TRIB2: variants seen among roughly 807,000 people sequenced by gnomAD.
TRIB2 encodes tribbles pseudokinase 2.
A neutral mutation model predicts 26.8 loss-of-function variants in TRIB2; 2 were observed. That is an observed-to-expected ratio of 0.07 (90% CI 0.03 to 0.24). The LOEUF is 0.24. TRIB2 is among the 10% of genes least tolerant of loss of function. The probability of loss-of-function intolerance (pLI) is 1.00; values close to 1 mark genes in which losing one functional copy is unlikely to be tolerated. For missense variants in TRIB2, 306 were observed against 449.0 expected, an observed-to-expected ratio of 0.68 and a Z score of 2.88; for synonymous variants, 189 against 187.3, an observed-to-expected ratio of 1.01 and a Z score of -0.08.
rs749601905 is a variant in TRIB2, at chr2:12,723,269, A to G, written c.280A>G (p.Ile94Val). The stretch of plus-strand genomic sequence containing the variant: ...GTTAATCCTGTCGTAGGTGTTTGAT[A>G]TCAGCTGCTACCAGGAATCCCTGGC... Reference protein sequence around the residue: ...GEELVCKVFDISCYQESLAPC... With the variant: ...GEELVCKVFDVSCYQESLAPC... Residue 94 changes from isoleucine to valine, a missense_variant, in exon 2 of 3, where the codon ATC becomes GTC. Ile to Val is a conservative substitution (Grantham distance 29). Transcript: ENST00000155926. 1 of 1,613,016 alleles carries G rather than the reference A, an allele frequency of 6.2e-7. No homozygotes were observed. The highest frequency in any genetic ancestry group is 1.7e-5 in the Admixed American group (1 of 60,026).
rs1666646973 is a variant in TRIB2 at position 12,718,333 on chromosome 2, T to G, written c.26T>G (p.Ile9Ser). 5.0e-6 allele frequency: 8 copies of G among 1,614,100 alleles called. No individual in the cohort carries two copies. Among genetic ancestry groups the G allele is most frequent in the Non-Finnish European group, 5.9e-6 (7 of 1,179,994 alleles). ...ATGAACATACACAGGTCTACCCCCA[T>G]CACAATAGCGAGATATGGGAGATCG... MNIHRSTP[I>S]TIARYGRSRN... Residue 9 changes from isoleucine to serine, a missense_variant, in exon 1 of 3, where the codon ATC becomes AGC. Ile to Ser is a moderately radical substitution (Grantham distance 142, BLOSUM62 -2). This residue lies in a region of TRIB2 where 99 missense variants were observed against 106.5 expected (regional missense o/e 0.93). Transcript: ENST00000155926. This position sits in a 1 kb window ranked among gnomAD's most constrained non-coding sequence, Gnocchi z 4.0.
chr2:12,736,689 A>G (rs1009816499), intron 2 of TRIB2, among the ~76,000 whole-genome samples: 4 of 152,182 alleles, frequency 2.6e-5, no homozygotes, highest in African/African-American at 7.2e-5. Context: ...GTACTCGTCT[A>G]GGTACTCAAG....
At chr2:12,734,263 C>CCCT (rs1661522660) in intron 2 of TRIB2, among the ~76,000 whole-genome samples, 1 of 152,154 alleles carries the variant, frequency 6.6e-6, no homozygotes. Flanking sequence ...ATTGCCACCA[C>CCCT]CCTCCACCCC....
intron 2 of TRIB2, among the ~76,000 whole-genome samples, chr2:12,726,175 G>A (rs952028105): frequency 1.3e-5 from 2 of 151,610 alleles, no homozygotes; most frequent in African/African-American, 4.9e-5. Context: ...AATGTTCTCA[G>A]CAGTAGCTGA....
chr2:12,725,808 G>C (rs570759143), intron 2 of TRIB2, among the ~76,000 whole-genome samples: 1 of 152,372 alleles, frequency 6.6e-6, no homozygotes, highest in East Asian at 1.9e-4. Context: ...ACTGTAGGGA[G>C]CTGGCCTATA....
At position 12,736,211 on chromosome 2, in the gene TRIB2, T is replaced by C. The variant is rs141012793; in HGVS notation, c.564-4115T>C. Among the ~76,000 whole-genome samples the C allele has an allele frequency of 5.9e-3, 890 of 152,132 alleles. 6 individuals carry two copies. Among genetic ancestry groups the C allele is most frequent in the African/African-American group, 0.02 (835 of 41,500 alleles). On this transcript the variant is annotated intron_variant, in intron 2 of 2. Transcript: ENST00000155926. ...GATTTGGTCAGAGATGCGACAAAAG[T>C]GAGCTGACACAGTCGGGGAAGCACA...
intron 2 of TRIB2, chr2:12,724,956 G>T: frequency 7.5e-7 from 1 of 1,333,830 alleles, no homozygotes; most frequent in South Asian, 1.6e-5. Flanking sequence ...GGTCATATTT[G>T]TTTACCTCTT....
Position 12,717,906 on chromosome 2 carries a change from T to C in TRIB2, c.-402T>C, listed in dbSNP as rs966877954. 6 of 241,920 alleles carry C rather than the reference T, an allele frequency of 2.5e-5. No individual in the cohort carries two copies. Among genetic ancestry groups the C allele is most frequent in the Non-Finnish European group, 4.0e-5 (5 of 125,758 alleles). 15.0% of individuals were successfully genotyped at this position (241,920 alleles called of 1,614,324 possible). On this transcript the variant is annotated 5_prime_UTR_variant, in exon 1 of 3. Coordinates refer to ENST00000155926, the MANE Select transcript of TRIB2 (RefSeq NM_021643.4). This position sits in a 1 kb window ranked among gnomAD's most constrained non-coding sequence, Gnocchi z 4.8. ...AACTACCGCGGGCTCCTCCGCCCCG[T>C]CTGCGATTCGGAAGCCGGCCTGGGG... is the stretch of plus-strand genomic sequence containing the variant.
In TRIB2 at chr2:12,740,955, C is replaced by T. The variant is rs756670798; in HGVS notation, c.*161C>T. The T allele has an allele frequency of 3.8e-5, 26 of 682,194 alleles. No homozygotes were observed. Among genetic ancestry groups the T allele is most frequent in the East Asian group, 1.9e-4 (7 of 36,432 alleles). 42.3% of individuals were successfully genotyped at this position (682,194 alleles called of 1,614,324 possible). A position where few individuals can be genotyped will look rare whatever the true frequency, so the allele number is the denominator to read the frequency against. ...AAACCTTCAAGGAGCTGACTGACCA[C>T]GTAGCATGGGGGCAAGAGGCGTGGG... is the stretch of plus-strand genomic sequence containing the variant. On this transcript the variant is annotated 3_prime_UTR_variant, in exon 3 of 3. Transcript: ENST00000155926. This position sits in a 1 kb window ranked among gnomAD's most constrained non-coding sequence, Gnocchi z 5.8.
chr2:12,721,962 G>A (rs1030641186), intron 1 of TRIB2, among the ~76,000 whole-genome samples: 1 of 152,076 alleles, frequency 6.6e-6, no homozygotes, highest in Non-Finnish European at 1.5e-5. Context: ...CAGCTAAGAG[G>A]GAACAGAGCT....
rs1666628951 is a variant in TRIB2, at chr2:12,717,810, C to T, written c.-498C>T. 3 of 283,420 alleles carry T rather than the reference C, an allele frequency of 1.1e-5. No homozygotes were observed. The highest frequency in any genetic ancestry group is 1.0e-4 in the Admixed American group (2 of 19,388). The allele number at this position is 283,420 out of a possible 1,614,324, so 17.6% of individuals were successfully genotyped here. The stretch of plus-strand genomic sequence containing the variant: ...CAGCCGGTAGACCCGTGCTTGTTTC[C>T]TTTCTCTTTTTGTTTGGCTTCTAAC... On this transcript the variant is annotated 5_prime_UTR_variant, in exon 1 of 3. Coordinates refer to ENST00000155926, the MANE Select transcript of TRIB2 (RefSeq NM_021643.4). The surrounding 1 kb of genome is among the most constrained non-coding windows in gnomAD (Gnocchi z 4.8).
intron 2 of TRIB2, among the ~76,000 whole-genome samples, chr2:12,728,974 T>C (rs1435197244): frequency 6.6e-6 from 1 of 152,206 alleles, no homozygotes; most frequent in Admixed American, 6.5e-5. Flanking sequence ...TCAGCTTTTC[T>C]TTCATTAAAA....
intron 1 of TRIB2, among the ~76,000 whole-genome samples, chr2:12,722,896 A>G (rs146457912): frequency 6.5e-4 from 99 of 152,236 alleles, no homozygotes; most frequent in African/African-American, 2.3e-3. Context: ...TTTCTCTCCA[A>G]TTTTGCCTTA....
chr2:12,739,076 C>G (rs1422015966), intron 2 of TRIB2, among the ~76,000 whole-genome samples: 1 of 152,000 alleles, frequency 6.6e-6, no homozygotes, highest in African/African-American at 2.4e-5. Context: ...ATCTTGGGCT[C>G]ATGGTTCTGT....
At chr2:12,734,635 G>A (rs1037758622) in intron 2 of TRIB2, among the ~76,000 whole-genome samples, 3 of 152,118 alleles carry the variant, frequency 2.0e-5, no homozygotes, top group South Asian at 2.1e-4. Context: ...GGTAGATACC[G>A]TACTTGCATT....
At chr2:12,729,935 T>G (rs1377578623) in intron 2 of TRIB2, among the ~76,000 whole-genome samples, 4 of 152,236 alleles carry the variant, frequency 2.6e-5, no homozygotes, top group African/African-American at 9.6e-5. Flanking sequence ...GCACTGCAGC[T>G]ACTTGAATAC....
intron 2 of TRIB2, among the ~76,000 whole-genome samples, chr2:12,729,788 TCAAG>T (rs1376942548): frequency 9.9e-5 from 15 of 152,170 alleles, no homozygotes; most frequent in South Asian, 2.1e-4. Flanking sequence ...GTGTGGGTCC[TCAAG>T]CAAACCAAGC....
At chr2:12,720,787 C>A (rs921359158) in intron 1 of TRIB2, among the ~76,000 whole-genome samples, 9 of 152,182 alleles carry the variant, frequency 5.9e-5, no homozygotes, top group South Asian at 2.1e-4. Context: ...ACAAAATAAT[C>A]AAGGCTGCTT....
At position 12,718,513 on chromosome 2, in the gene TRIB2, C is replaced by A. The variant is rs755829009; in HGVS notation, c.206C>A (p.Pro69His). The A allele has an allele frequency of 9.3e-6, 15 of 1,614,082 alleles. No homozygotes were observed. The highest frequency in any genetic ancestry group is 1.3e-5 in the African/African-American group (1 of 74,916). The change falls in exon 1 of 3, where the codon CCT (proline) becomes CAT (histidine). Residue 69 changes from proline to histidine, a missense_variant. Pro to His is a moderately conservative substitution (Grantham distance 77). Transcript: ENST00000155926. This position sits in a 1 kb window ranked among gnomAD's most constrained non-coding sequence, Gnocchi z 4.0. ...SCIGKYLLLEPLEGDHVFRAV... is the reference protein window; with the variant it reads ...SCIGKYLLLEHLEGDHVFRAV... ...ATCGGGAAATACTTATTGTTGGAAC[C>A]TCTGGAGGGAGACCACGTTTTTCGT...
Sources: allele counts gnomAD v4.1 joint callset (sites outside exome capture counted in the v4.1 genomes callset), GRCh38; gene constraint gnomAD v4.1.1; regional missense constraint gnomAD v4.1.1; non-coding constraint Gnocchi (gnomAD v3.1); transcripts MANE v1.5; gene names NCBI Gene and HGNC (gene_info 2026-07-23, HGNC 2026-07-21).